HMGN5: variants seen among roughly 807,000 people sequenced by gnomAD.
HMGN5 encodes high mobility group nucleosome binding domain 5, also known as high mobility group nucleosome-binding domain-containing protein 5.
Under a neutral mutation model 9.5 loss-of-function variants are expected in HMGN5, and 4 were observed. The observed-to-expected ratio is 0.42, with a 90% CI of 0.21 to 0.96. HMGN5 has a LOEUF of 0.96. Ranked by LOEUF, HMGN5 falls within the 40% of genes least tolerant of loss-of-function variation. The pLI is 0.30. For missense variants in HMGN5, 192 were observed against 187.5 expected (o/e 1.02, Z -0.14); for synonymous variants, 55 against 57.1 (o/e 0.96, Z 0.16).
chrX:81,178,768 A>T (rs1181860457), intron 1 of HMGN5, among the ~76,000 whole-genome samples: 1 of 111,900 alleles, frequency 8.9e-6, no homozygotes, highest in Non-Finnish European at 1.9e-5. Flanking sequence ...TTTTAGACCA[A>T]CATCCCTAAT....
intron 1 of HMGN5, among the ~76,000 whole-genome samples, chrX:81,164,504 C>T (rs1161154976): frequency 9.0e-6 from 1 of 111,323 alleles, no homozygotes; most frequent in Admixed American, 9.6e-5. Flanking sequence ...TTAACTTGGG[C>T]CTATAATGTT....
chrX:81,116,139 A>T, intron 6 of HMGN5, 65 bp downstream of exon 6: 1 of 862,375 alleles, frequency 1.2e-6, no homozygotes, highest in Non-Finnish European at 1.6e-6. Flanking sequence ...GGCAAATAGG[A>T]TTTCTTTCAG....
At chrX:81,155,038 G>A (rs2075378834) in intron 1 of HMGN5, among the ~76,000 whole-genome samples, 2 of 94,494 alleles carry the variant, frequency 2.1e-5, no homozygotes, top group Admixed American at 2.5e-4. Flanking sequence ...CCCACTGCCG[G>A]GTATATGCCT....
intron 1 of HMGN5, among the ~76,000 whole-genome samples, chrX:81,134,567 A>G (rs189523004): frequency 1.8e-5 from 2 of 111,458 alleles, no homozygotes; most frequent in African/African-American, 6.5e-5. Flanking sequence ...GCCCATTGGT[A>G]GTCACTTCAC....
intron 1 of HMGN5, among the ~76,000 whole-genome samples, chrX:81,173,891 T>C (rs1602577629): frequency 9.0e-6 from 1 of 111,684 alleles, no homozygotes; most frequent in South Asian, 3.7e-4. Flanking sequence ...CTTGTGTCTA[T>C]TTTATTGCAT....
chrX:81,117,284 G>A (rs1466575178), intron 5 of HMGN5, among the ~76,000 whole-genome samples: 2 of 78,098 alleles, frequency 2.6e-5, no homozygotes, highest in African/African-American at 5.3e-5. Flanking sequence ...TTTTGAGACA[G>A]GGACTCCCTC....
At chrX:81,153,599 AT>A (rs2075374005) in intron 1 of HMGN5, among the ~76,000 whole-genome samples, 1 of 7,271 alleles carries the variant, frequency 1.4e-4, no homozygotes. Context: ...ATATATATAT[AT>A]ATATATATAT....
intron 1 of HMGN5, among the ~76,000 whole-genome samples, chrX:81,169,770 A>G (rs1056417882): frequency 4.5e-5 from 5 of 111,436 alleles, no homozygotes; most frequent in South Asian, 3.8e-4. Flanking sequence ...GTATAAAAAT[A>G]TTGTCTGGGC....
At chrX:81,162,188 G>A (rs1417802228) in intron 1 of HMGN5, among the ~76,000 whole-genome samples, 1 of 110,304 alleles carries the variant, frequency 9.1e-6, no homozygotes, top group Non-Finnish European at 1.9e-5. Flanking sequence ...GGGAGCCCAA[G>A]GTAGAAAAAA....
chrX:81,144,671 C>A (rs1475285017), intron 1 of HMGN5, among the ~76,000 whole-genome samples: 1 of 111,438 alleles, frequency 9.0e-6, no homozygotes, highest in Non-Finnish European at 1.9e-5. Flanking sequence ...CAGAAGCAGG[C>A]TTCAGAAGGT....
intron 5 of HMGN5, among the ~76,000 whole-genome samples, chrX:81,117,107 GA>G (rs963701065): frequency 1.8e-5 from 2 of 110,803 alleles, no homozygotes; most frequent in Admixed American, 9.6e-5. Flanking sequence ...GAAAACACAT[GA>G]AAAAAATGCT....
At chrX:81,198,305 A>G (rs2075515030) in intron 1 of HMGN5, among the ~76,000 whole-genome samples, 1 of 111,295 alleles carries the variant, frequency 9.0e-6, no homozygotes, top group South Asian at 3.8e-4. Flanking sequence ...AAAAATTGCT[A>G]ACTTTTTTTT....
rs891989206 is a variant in HMGN5, at chrX:81,169,985, CGGAGGTT to C, written c.-124+31745_-124+31751del. On this transcript the variant is annotated intron_variant, in intron 1 of 6. Transcript: ENST00000358130. ...GGGAGGATTACTTGAACCCAGGAGG[CGGAGGTT>C]GCACTGAACTGACAACGCCCCACTG... Among the ~76,000 whole-genome samples the C allele has an allele frequency of 6.0e-5, 6 of 99,585 alleles. 1 individual carries two copies. Among genetic ancestry groups the C allele is most frequent in the African/African-American group, 2.2e-4 (6 of 26,892 alleles). 86.5% of individuals were successfully genotyped at this position (99,585 alleles called of 115,157 possible). A position where few individuals can be genotyped will look rare whatever the true frequency, so the allele number is the denominator to read the frequency against.
chrX:81,180,512 G>C (rs1053028301), intron 1 of HMGN5, among the ~76,000 whole-genome samples: 2 of 112,015 alleles, frequency 1.8e-5, no homozygotes, highest in Non-Finnish European at 3.8e-5. Context: ...ACCATCTTGT[G>C]CCAGTTAGAA....
chrX:81,117,888 G>A (rs2075258694), intron 5 of HMGN5, among the ~76,000 whole-genome samples: 1 of 110,515 alleles, frequency 9.0e-6, no homozygotes, highest in South Asian at 3.7e-4. Flanking sequence ...GCAATTAGCA[G>A]TAAACTAAAT....
chrX:81,116,685 T>C (rs1226517509), intron 5 of HMGN5, among the ~76,000 whole-genome samples: 2 of 112,180 alleles, frequency 1.8e-5, no homozygotes, highest in Non-Finnish European at 3.8e-5. Flanking sequence ...TAATTCCCTC[T>C]GTCTAGAGAG....
chrX:81,144,500 C>A (rs2075337847), intron 1 of HMGN5, among the ~76,000 whole-genome samples: 1 of 111,895 alleles, frequency 8.9e-6, no homozygotes, highest in African/African-American at 3.2e-5. Flanking sequence ...TGAAAGTCAC[C>A]AACATCAAAG....
At chrX:81,138,760 T>C (rs2147552008) in intron 1 of HMGN5, among the ~76,000 whole-genome samples, 1 of 111,905 alleles carries the variant, frequency 8.9e-6, no homozygotes, top group Admixed American at 9.5e-5. Context: ...AAAAAACCTC[T>C]AGAACTAATA....
rs10442534 is a variant in HMGN5 at position 81,179,077 on chromosome X, A to T, written c.-124+22660T>A. Among the ~76,000 whole-genome samples the T allele has an allele frequency of 1.6e-3, 183 of 111,858 alleles. 1 individual carries two copies. Among genetic ancestry groups the T allele is most frequent in the African/African-American group, 5.5e-3 (170 of 30,763 alleles). On this transcript the variant is annotated intron_variant, in intron 1 of 6. Coordinates refer to ENST00000358130, the MANE Select transcript of HMGN5 (RefSeq NM_030763.3). Reference sequence around the variant, plus strand: ...CAAAATAATAAGAGCTATTTATGACAAACCCACAGCCAATATAATACTGAA... The same window carrying T: ...CAAAATAATAAGAGCTATTTATGACTAACCCACAGCCAATATAATACTGAA...
Sources: gnomAD v4.1 joint callset for allele counts (sites outside exome capture counted in the v4.1 genomes callset) on GRCh38, gnomAD v4.1.1 for gene constraint, MANE v1.5 for transcripts, NCBI Gene and HGNC (gene_info 2026-07-23, HGNC 2026-07-21) for gene names.